Variants in RBFOX1 observed in about 807,000 individuals in gnomAD.
The protein encoded by RBFOX1 is RNA binding protein fox-1 homolog 1.
Under a neutral mutation model 57.7 loss-of-function variants are expected in RBFOX1, and 8 were observed. The observed-to-expected ratio is 0.14, with a 90% confidence interval of 0.08 to 0.25. RBFOX1 has a LOEUF of 0.25. Ranked by LOEUF, RBFOX1 falls within the 10% of genes least tolerant of loss-of-function variation. The pLI is 1.00. For missense variants in RBFOX1, 611 were observed against 548.5 expected (o/e 1.11, Z -1.14); for synonymous variants, 326 against 222.4 (o/e 1.47, Z -4.15).
chr16:5,936,650 G>A (rs1227473976), intron 4 of RBFOX1, among the ~76,000 whole-genome samples: 6 of 152,162 alleles, frequency 3.9e-5, no homozygotes, highest in Non-Finnish European at 5.9e-5. Flanking sequence ...GAACAAGGAT[G>A]TACCTTTCAA....
At chr16:6,449,590 TGA>T (rs1369657568) in intron 2 of RBFOX1, among the ~76,000 whole-genome samples, 2 of 152,232 alleles carry the variant, frequency 1.3e-5, no homozygotes, top group African/African-American at 4.8e-5. Context: ...CAGAGCCTTA[TGA>T]TGGGCACTGG....
intron 3 of RBFOX1, among the ~76,000 whole-genome samples, chr16:6,796,179 G>C (rs1603625343): frequency 6.6e-6 from 1 of 152,086 alleles, no homozygotes; most frequent in Admixed American, 6.5e-5. Context: ...AGCTTGTGCA[G>C]GGAAACTCCC....
At chr16:7,632,654 C>T (rs1351849479) in intron 11 of RBFOX1, among the ~76,000 whole-genome samples, 1 of 152,158 alleles carries the variant, frequency 6.6e-6, no homozygotes. Flanking sequence ...AGTTGGTGTG[C>T]CAAAACTTAC....
intron 1 of RBFOX1, among the ~76,000 whole-genome samples, chr16:6,053,772 G>T (rs1405463650): frequency 1.3e-5 from 2 of 152,110 alleles, no homozygotes; most frequent in Admixed American, 6.6e-5. Context: ...ACCCCCTTAG[G>T]CTGGGCACAG....
At chr16:7,646,608 A>T (rs771049306) in intron 11 of RBFOX1, among the ~76,000 whole-genome samples, 12 of 152,200 alleles carry the variant, frequency 7.9e-5, no homozygotes, top group Non-Finnish European at 1.2e-4. Flanking sequence ...TGGCAGTCTC[A>T]TGCAAATTCA....
Position 6,019,630 on chromosome 16 carries a change from C to A in RBFOX1, c.-489C>A. ...GTGAGCCGAGCCGAGCACCCCACATCTGGAGGGGACAGCCAGCCGTGGGCC... is the reference window on the plus strand; with the variant it reads ...GTGAGCCGAGCCGAGCACCCCACATATGGAGGGGACAGCCAGCCGTGGGCC... On this transcript the variant is annotated 5_prime_UTR_variant, in exon 1 of 16. The change creates a new upstream start codon in the 5' untranslated region. Transcript: ENST00000550418. This position sits in a 1 kb window ranked among gnomAD's most constrained non-coding sequence, Gnocchi z 4.2. The A allele has an allele frequency of 7.8e-7, 1 of 1,283,952 alleles. No homozygotes were observed. Among genetic ancestry groups the A allele is most frequent in the Non-Finnish European group, 9.9e-7 (1 of 1,015,212 alleles). The allele number at this position is 1,283,952 out of a possible 1,614,324, so 79.5% of individuals were successfully genotyped here.
intron 4 of RBFOX1, among the ~76,000 whole-genome samples, chr16:7,391,690 A>G (rs915187158): frequency 1.3e-5 from 2 of 152,230 alleles, no homozygotes; most frequent in African/African-American, 4.8e-5. Context: ...AAAAGACTGT[A>G]AAGGCCATGC....
chr16:5,484,599 G>A lies in RBFOX1; in HGVS notation c.258+17345G>A, dbSNP rs542242360. 5.3e-5 allele frequency among the ~76,000 whole-genome samples: 8 copies of A among 152,214 alleles called. No individual in the cohort carries two copies. In the South Asian group the frequency reaches 1.2e-3, roughly 24 times the overall value. ...TCAAGGCCAGCCTAGGCAACATAGC[G>A]AGACCTTGTCTGTACAAAAAATTTT... On this transcript the variant is annotated intron_variant, in intron 2 of 2. Coordinates refer to the RBFOX1 transcript ENST00000585867.
intron 3 of RBFOX1, among the ~76,000 whole-genome samples, chr16:6,747,851 C>G (rs968378049): frequency 6.6e-6 from 1 of 152,144 alleles, no homozygotes; most frequent in South Asian, 2.1e-4. Flanking sequence ...ATTTTTCTGA[C>G]ATAAAACTTT....
chr16:6,623,935 T>G (rs1254141397), intron 2 of RBFOX1, among the ~76,000 whole-genome samples: 1 of 152,210 alleles, frequency 6.6e-6, no homozygotes, highest in Non-Finnish European at 1.5e-5. Flanking sequence ...CAGCATGATT[T>G]ATAATCCTTT....
chr16:6,690,300 T>A (rs1016024631), intron 3 of RBFOX1, among the ~76,000 whole-genome samples: 1 of 152,134 alleles, frequency 6.6e-6, no homozygotes, highest in Non-Finnish European at 1.5e-5. Context: ...ATAATATGTG[T>A]GTTTTTAAGT....
At chr16:6,935,717 C>G (rs2077253708) in intron 3 of RBFOX1, among the ~76,000 whole-genome samples, 1 of 152,150 alleles carries the variant, frequency 6.6e-6, no homozygotes, top group Non-Finnish European at 1.5e-5. Context: ...AGTGTGGCAG[C>G]TAAGCGAGAC....
At chr16:7,274,830 G>T (rs1439123027) in intron 4 of RBFOX1, among the ~76,000 whole-genome samples, 2 of 151,942 alleles carry the variant, frequency 1.3e-5, no homozygotes, top group African/African-American at 4.8e-5. Flanking sequence ...AATTACAGGT[G>T]TGTGCCACCA....
At chr16:6,821,222 C>T (rs1294529888) in intron 3 of RBFOX1, among the ~76,000 whole-genome samples, 1 of 152,174 alleles carries the variant, frequency 6.6e-6, no homozygotes, top group Non-Finnish European at 1.5e-5. Flanking sequence ...GGCCTCTACC[C>T]TTGTAGCTGT....
At chr16:7,167,412 C>G (rs185812648) in intron 4 of RBFOX1, among the ~76,000 whole-genome samples, 1 of 152,058 alleles carries the variant, frequency 6.6e-6, no homozygotes, top group African/African-American at 2.4e-5. Flanking sequence ...TTTGAAAACA[C>G]AGAGACTCAG....
intron 1 of RBFOX1, among the ~76,000 whole-genome samples, chr16:6,120,720 C>T (rs1056924169): frequency 1.3e-5 from 2 of 152,104 alleles, no homozygotes; most frequent in African/African-American, 4.8e-5. Flanking sequence ...TTGCTTGTGG[C>T]TCTGAATTCA....
chr16:5,271,432 T>C lies in RBFOX1; in HGVS notation c.219+31327T>C, dbSNP rs564199225. Among the ~76,000 whole-genome samples, 25 of 152,356 alleles carry C rather than the reference T, an allele frequency of 1.6e-4. No homozygotes were observed. The South Asian group carries it at 5.2e-3, about 32-fold the overall frequency. On this transcript the variant is annotated intron_variant, in intron 1 of 2. Transcript: ENST00000585867. ...TCCGGTGATTCCGACTCAGTAGGGCTGGGTATCCCCTAGGGATCCTGCTGT... is the reference window on the plus strand; with the variant it reads ...TCCGGTGATTCCGACTCAGTAGGGCCGGGTATCCCCTAGGGATCCTGCTGT...
chr16:7,704,653 A>C (rs1009423812), intron 14 of RBFOX1, among the ~76,000 whole-genome samples: 2 of 152,192 alleles, frequency 1.3e-5, no homozygotes, highest in Non-Finnish European at 2.9e-5. Context: ...TTCTCGTTCC[A>C]GGAGGGTGAA....
intron 4 of RBFOX1, among the ~76,000 whole-genome samples, chr16:7,349,941 G>A (rs1055877772): frequency 1.3e-5 from 2 of 152,186 alleles, no homozygotes; most frequent in Non-Finnish European, 2.9e-5. Flanking sequence ...GAGGTCAGGA[G>A]TTCGAGACCA....
Sources: gnomAD v4.1 joint callset for allele counts (sites outside exome capture counted in the v4.1 genomes callset) on GRCh38, gnomAD v4.1.1 for gene constraint, Gnocchi (gnomAD v3.1) non-coding constraint, MANE v1.5 for transcripts, NCBI Gene and HGNC (gene_info 2026-07-23, HGNC 2026-07-21) for gene names.